Variants in PCDHGB3 observed in about 807,000 individuals in gnomAD.
The protein encoded by PCDHGB3 is protocadherin gamma subfamily B, 3, also known as protocadherin gamma-B3.
A neutral mutation model predicts 59.2 loss-of-function variants in PCDHGB3; 40 were observed. The ratio of observed to expected loss-of-function variants is 0.68; its 90% CI spans 0.52 to 0.88. The LOEUF (loss-of-function observed/expected upper bound fraction) is 0.88, where lower values mean the gene tolerates loss of function less well. Among genes scored for constraint, PCDHGB3 ranks in the 40% least tolerant of loss-of-function variants. The pLI is 0.00. For synonymous variants in PCDHGB3, 581 were observed against 503.6 expected, an observed-to-expected ratio of 1.15 and a Z score of -2.06; for missense variants, 1,309 against 1,187.9, an observed-to-expected ratio of 1.10 and a Z score of -1.50.
At chr5:141,440,912 G>A (rs1281398967) in intron 1 of PCDHGB3, 1 of 152,254 alleles carries the variant, frequency 6.6e-6, no homozygotes, top group African/African-American at 2.4e-5. Context: ...GGGCACTCCT[G>A]TGCTGAGAGT....
rs1363008017 is a variant in PCDHGB3, at chr5:141,413,215, T to A, written c.2415+40406T>A. ...GAATCGCTCAAAGGAATCAAAGGATTGCAGCGGGCTGGTCCTGCTCTGCCT... is the reference window on the plus strand; with the variant it reads ...GAATCGCTCAAAGGAATCAAAGGATAGCAGCGGGCTGGTCCTGCTCTGCCT... On this transcript the variant is annotated intron_variant, in intron 1 of 3. Coordinates refer to ENST00000576222, the MANE Select transcript of PCDHGB3 (RefSeq NM_018924.5). 6 of 1,613,232 alleles carry A rather than the reference T, an allele frequency of 3.7e-6. No individual in the cohort carries two copies. The African/African-American group carries it at 8.0e-5, about 22-fold the overall frequency.
intron 1 of PCDHGB3, among the ~76,000 whole-genome samples, chr5:141,492,409 C>T (rs1367119266): frequency 6.6e-6 from 1 of 152,230 alleles, no homozygotes. Context: ...TCCCCTCTGC[C>T]GCTCCCTCCG....
chr5:141,427,839 G>T, intron 1 of PCDHGB3: 1 of 1,547,310 alleles, frequency 6.5e-7, no homozygotes, highest in Non-Finnish European at 8.8e-7. Flanking sequence ...GCGTGCCTTC[G>T]ACCACGAGCA....
At chr5:141,427,889 G>C in intron 1 of PCDHGB3, 1 of 1,566,516 alleles carries the variant, frequency 6.4e-7, no homozygotes, top group South Asian at 1.1e-5. Flanking sequence ...CCCACGACCA[G>C]GGCTCGCCCG....
In PCDHGB3 at chr5:141,489,153, G is replaced by C; in HGVS notation, c.2416-5654G>C. Reference sequence around the variant, plus strand: ...TTTAAGAGGCTGGAAGGAGACATAAGAGACTTCAGCTGCTGCATTCCAAGC... The same window carrying C: ...TTTAAGAGGCTGGAAGGAGACATAACAGACTTCAGCTGCTGCATTCCAAGC... On this transcript the variant is annotated intron_variant, in intron 1 of 3. Coordinates refer to ENST00000576222, the MANE Select transcript of PCDHGB3 (RefSeq NM_018924.5). This position sits in a 1 kb window ranked among gnomAD's most constrained non-coding sequence, Gnocchi z 4.5. 1 of 935,832 alleles carries C rather than the reference G, an allele frequency of 1.1e-6. No individual in the cohort carries two copies. Among genetic ancestry groups the C allele is most frequent in the Non-Finnish European group, 1.6e-6 (1 of 627,178 alleles). The allele number at this position is 935,832 out of a possible 1,614,324, so 58.0% of individuals were successfully genotyped here.
Position 141,485,331 on chromosome 5 carries a change from T to C in PCDHGB3, c.2416-9476T>C, listed in dbSNP as rs1203054851. On this transcript the variant is annotated intron_variant, in intron 1 of 3. Transcript: ENST00000576222. This position sits in a 1 kb window ranked among gnomAD's most constrained non-coding sequence, Gnocchi z 5.7. Reference sequence around the variant, plus strand: ...GTAGGGAATGTCGCTCAAGATTTCCTGCTGGATACGGACAGTCTGTCAGCT... The same window carrying C: ...GTAGGGAATGTCGCTCAAGATTTCCCGCTGGATACGGACAGTCTGTCAGCT... 6.2e-7 allele frequency: 1 copy of C among 1,614,048 alleles called. No individual in the cohort carries two copies. Among genetic ancestry groups the C allele is most frequent in the African/African-American group, 1.3e-5 (1 of 74,902 alleles).
intron 1 of PCDHGB3, chr5:141,478,043 A>G (rs1399496347): frequency 7.4e-6 from 12 of 1,613,710 alleles, no homozygotes; most frequent in Non-Finnish European, 1.0e-5. Flanking sequence ...ACCCAGGCAG[A>G]CTCTCACGGT....
intron 1 of PCDHGB3, chr5:141,430,741 A>T (rs370226249): frequency 6.7e-6 from 10 of 1,498,900 alleles, no homozygotes; most frequent in Non-Finnish European, 8.9e-6. Flanking sequence ...ATTGAAAATA[A>T]TTCTGGAGGA....
chr5:141,409,904 G>T lies in PCDHGB3; in HGVS notation c.2415+37095G>T, dbSNP rs757396196. 10 of 1,613,278 alleles carry T rather than the reference G, an allele frequency of 6.2e-6. No homozygotes were observed. The South Asian group carries it at 1.1e-4, about 18-fold the overall frequency. On this transcript the variant is annotated intron_variant, in intron 1 of 3. Coordinates refer to ENST00000576222, the MANE Select transcript of PCDHGB3 (RefSeq NM_018924.5). ...ACCGCGGGTGCTGTACCCAGCTCTGGGTCCTGACGGCTCCGCGTTCTTCGA... is the reference window on the plus strand; with the variant it reads ...ACCGCGGGTGCTGTACCCAGCTCTGTGTCCTGACGGCTCCGCGTTCTTCGA...
Position 141,487,272 on chromosome 5 carries a change from T to C in PCDHGB3, c.2416-7535T>C. 6.2e-7 allele frequency: 1 copy of C among 1,614,148 alleles called. No homozygotes were observed. The highest frequency in any genetic ancestry group is 8.5e-7 in the Non-Finnish European group (1 of 1,180,036). Reference sequence around the variant, plus strand: ...TACTTGGCTGTGTCCCTAGTGGCAATTTGCTTTGTCTCCTTTGGCTCATTC... The same window carrying C: ...TACTTGGCTGTGTCCCTAGTGGCAACTTGCTTTGTCTCCTTTGGCTCATTC... On this transcript the variant is annotated intron_variant, in intron 1 of 3. Coordinates refer to ENST00000576222, the MANE Select transcript of PCDHGB3 (RefSeq NM_018924.5). This position sits in a 1 kb window ranked among gnomAD's most constrained non-coding sequence, Gnocchi z 5.0.
rs533857281 is a variant in PCDHGB3 at position 141,429,742 on chromosome 5, T to C, written c.2415+56933T>C. Among the ~76,000 whole-genome samples the C allele has an allele frequency of 3.8e-4, 58 of 152,336 alleles. 1 individual carries two copies. Among genetic ancestry groups the C allele is most frequent in the Admixed American group, 2.0e-4 (3 of 15,302 alleles). Reference sequence around the variant, plus strand: ...ATGAAAGTACGTAGCCAGTTATTTCTTAGGGAGAATTTTTTCCCTATATTT... The same window carrying C: ...ATGAAAGTACGTAGCCAGTTATTTCCTAGGGAGAATTTTTTCCCTATATTT... On this transcript the variant is annotated intron_variant, in intron 1 of 3. Transcript: ENST00000576222.
At chr5:141,394,639 T>C (rs2150578020) in intron 1 of PCDHGB3, 2 of 1,611,968 alleles carry the variant, frequency 1.2e-6, no homozygotes, top group Middle Eastern at 1.7e-4. Flanking sequence ...TACCGCCTGC[T>C]CAAGGCCAGC....
chr5:141,490,644 T>C lies in PCDHGB3; in HGVS notation c.2416-4163T>C. The C allele has an allele frequency of 6.2e-7, 1 of 1,614,188 alleles. No homozygotes were observed. Among genetic ancestry groups the C allele is most frequent in the Non-Finnish European group, 8.5e-7 (1 of 1,180,016 alleles). On this transcript the variant is annotated intron_variant, in intron 1 of 3. Coordinates refer to ENST00000576222, the MANE Select transcript of PCDHGB3 (RefSeq NM_018924.5). The surrounding 1 kb of genome is among the most constrained non-coding windows in gnomAD (Gnocchi z 5.4). Reference sequence around the variant, plus strand: ...CTGCTTACATCCTAGAAAACCGGCCTCCGGGCTCCCTTCTTTGCACTGTGG... The same window carrying C: ...CTGCTTACATCCTAGAAAACCGGCCCCCGGGCTCCCTTCTTTGCACTGTGG...
rs1486795854 is a variant in PCDHGB3, at chr5:141,371,116, T to G, written c.722T>G (p.Val241Gly). Reference sequence around the variant, plus strand: ...GCAGATGCAAATGATAACCCCCCAGTATTTACTCAGGACATGTACAGGGTC... The same window carrying G: ...GCAGATGCAAATGATAACCCCCCAGGATTTACTCAGGACATGTACAGGGTC... Reference protein sequence around the residue: ...IVADANDNPPVFTQDMYRVNV... With the variant: ...IVADANDNPPGFTQDMYRVNV... The change falls in exon 1 of 4, where the codon GTA becomes GGA. Residue 241 changes from valine to glycine, a missense_variant. Transcript: ENST00000576222. 1.2e-6 allele frequency: 2 copies of G among 1,613,914 alleles called. No individual in the cohort carries two copies. Among genetic ancestry groups the G allele is most frequent in the Non-Finnish European group, 8.5e-7 (1 of 1,179,864 alleles).
At chr5:141,417,743 A>T in intron 1 of PCDHGB3, 2 of 1,419,054 alleles carry the variant, frequency 1.4e-6, no homozygotes, top group Non-Finnish European at 1.9e-6. Flanking sequence ...AGCACACCAG[A>T]TTGCCAGCTC....
chr5:141,410,849 CTTTTTTTTT>C (rs759346998), intron 1 of PCDHGB3: 2 of 136,714 alleles, frequency 1.5e-5, no homozygotes, highest in African/African-American at 6.3e-5. Context: ...TTGTCTTTGT[CTTTTTTTTT>C]TTTTTTTTTT....
chr5:141,439,680 A>T (rs1478261632), intron 1 of PCDHGB3, among the ~76,000 whole-genome samples: 1 of 152,236 alleles, frequency 6.6e-6, no homozygotes, highest in African/African-American at 2.4e-5. Context: ...ATCCAAGAGC[A>T]GACCCACAAC....
At chr5:141,380,342 T>C (rs1288076589) in intron 1 of PCDHGB3, among the ~76,000 whole-genome samples, 1 of 152,198 alleles carries the variant, frequency 6.6e-6, no homozygotes, top group Admixed American at 6.5e-5. Context: ...CAAAGAACTG[T>C]TTTGTTGTTT....
intron 1 of PCDHGB3, among the ~76,000 whole-genome samples, chr5:141,472,267 C>T (rs547832378): frequency 6.6e-5 from 10 of 152,216 alleles, no homozygotes; most frequent in African/African-American, 2.4e-4. Context: ...TATAGCCGGG[C>T]ACAGTGGCTC....
Sources: allele counts gnomAD v4.1 joint callset (sites outside exome capture counted in the v4.1 genomes callset), GRCh38; gene constraint gnomAD v4.1.1; non-coding constraint Gnocchi (gnomAD v3.1); transcripts MANE v1.5; gene names NCBI Gene and HGNC (gene_info 2026-07-23, HGNC 2026-07-21).